EFR3B: variants seen among roughly 807,000 people sequenced by gnomAD.
EFR3B encodes the protein protein EFR3 homolog B.
A neutral mutation model predicts 104.7 loss-of-function variants in EFR3B; 64 were observed. The ratio of observed to expected loss-of-function variants is 0.61; its 90% CI spans 0.50 to 0.75. The LOEUF (loss-of-function observed/expected upper bound fraction) is 0.75, where lower values mean the gene tolerates loss of function less well. Ranked by LOEUF, EFR3B falls within the 30% of genes least tolerant of loss-of-function variation. The pLI is 0.00. For synonymous variants in EFR3B, 385 were observed against 417.9 expected (o/e 0.92, Z 0.96); for missense variants, 750 against 1,078.5 (o/e 0.70, Z 4.27).
chr2:25,117,468 A>C (rs1490007375), intron 4 of EFR3B, among the ~76,000 whole-genome samples: 5 of 145,222 alleles, frequency 3.4e-5, no homozygotes, highest in Non-Finnish European at 7.4e-5. Flanking sequence ...GCTGGAGTGC[A>C]ATGGTGCAAT....
intron 12 of EFR3B, among the ~76,000 whole-genome samples, chr2:25,134,517 A>G (rs1055753362): frequency 9.9e-5 from 15 of 152,126 alleles, no homozygotes; most frequent in African/African-American, 3.4e-4. Context: ...CTCAGACTGA[A>G]GTTGGGAGGT....
chr2:25,049,952 T>TAAA (rs59279308), intron 1 of EFR3B, among the ~76,000 whole-genome samples: 3 of 104,850 alleles, frequency 2.9e-5, no homozygotes, highest in Non-Finnish European at 3.9e-5. Flanking sequence ...ACATTTCTAC[T>TAAA]AAAAAAAAAA....
intron 1 of EFR3B, among the ~76,000 whole-genome samples, chr2:25,087,279 G>T: frequency 6.6e-6 from 1 of 151,940 alleles, no homozygotes; most frequent in East Asian, 1.9e-4. Flanking sequence ...TTCAAGATGA[G>T]ATTTGGGTAG....
chr2:25,103,111 G>T (rs1483790481), intron 3 of EFR3B, among the ~76,000 whole-genome samples: 2 of 152,106 alleles, frequency 1.3e-5, no homozygotes, highest in Admixed American at 6.6e-5. Flanking sequence ...GGGCCATCAT[G>T]CATGATTTTC....
chr2:25,108,221 G>A (rs1241784276), intron 4 of EFR3B, among the ~76,000 whole-genome samples: 2 of 152,166 alleles, frequency 1.3e-5, no homozygotes, highest in African/African-American at 4.8e-5. Flanking sequence ...GAGAAGGTGG[G>A]GGAGTCAGGG....
At chr2:25,083,303 T>TA (rs1393993972) in intron 1 of EFR3B, among the ~76,000 whole-genome samples, 1 of 152,164 alleles carries the variant, frequency 6.6e-6, no homozygotes, top group Non-Finnish European at 1.5e-5. Context: ...GTTTTAGAAA[T>TA]AAAATGGCTC....
At chr2:25,045,253 C>T (rs78512751) in intron 1 of EFR3B, among the ~76,000 whole-genome samples, 3,040 of 152,214 alleles carry the variant, frequency 0.02, 94 homozygotes, top group African/African-American at 0.069. Context: ...AGCCACTTCC[C>T]TTTCTCAGAC....
chr2:25,133,506 G>T (rs1290505369), intron 12 of EFR3B, 72 bp downstream of exon 12: 1 of 1,457,526 alleles, frequency 6.9e-7, no homozygotes, highest in Non-Finnish European at 9.4e-7. Context: ...CCAAGTGAAG[G>T]CCTCCACATA....
In EFR3B at chr2:25,154,344, C is replaced by T; in HGVS notation, c.*4C>T. ...TCCCGATCTGTGTGTATACTGAATTCCAAGAGCCTGAGCTCCTCAAGGAGA... is the reference window on the plus strand; with the variant it reads ...TCCCGATCTGTGTGTATACTGAATTTCAAGAGCCTGAGCTCCTCAAGGAGA... On this transcript the variant is annotated 3_prime_UTR_variant, in exon 23 of 23. Transcript: ENST00000403714. The surrounding 1 kb of genome is among the most constrained non-coding windows in gnomAD (Gnocchi z 4.1). 6.4e-7 allele frequency: 1 copy of T among 1,551,800 alleles called. No homozygotes were observed. Among genetic ancestry groups the T allele is most frequent in the African/African-American group, 1.4e-5 (1 of 73,186 alleles).
intron 16 of EFR3B, 100 bp from the exon 17 acceptor site, chr2:25,141,266 G>T: frequency 1.6e-6 from 2 of 1,261,902 alleles, no homozygotes; most frequent in South Asian, 1.4e-5. Flanking sequence ...GAGGCTGTGG[G>T]AGGGAGGAAG....
intron 4 of EFR3B, among the ~76,000 whole-genome samples, chr2:25,116,282 C>T (rs1319438156): frequency 6.6e-6 from 1 of 152,178 alleles, no homozygotes; most frequent in Non-Finnish European, 1.5e-5. Flanking sequence ...TTTTCTGAAT[C>T]TTCTCTACTT....
At chr2:25,049,510 A>G (rs532600411) in intron 1 of EFR3B, among the ~76,000 whole-genome samples, 1 of 152,368 alleles carries the variant, frequency 6.6e-6, no homozygotes, top group African/African-American at 2.4e-5. Context: ...AAACATGCAA[A>G]CAATTAAATG....
intron 1 of EFR3B, among the ~76,000 whole-genome samples, chr2:25,068,718 C>G (rs1329055881): frequency 2.0e-5 from 3 of 151,500 alleles, no homozygotes. Flanking sequence ...CAAGCTCCAC[C>G]TCCCGGGTTC....
chr2:25,081,644 G>A, intron 1 of EFR3B: 3 of 639,440 alleles, frequency 4.7e-6, no homozygotes, highest in South Asian at 4.0e-5. Flanking sequence ...TGGCCCCGAA[G>A]GGTAGCTGCG....
chr2:25,079,189 G>A (rs1208337169), intron 1 of EFR3B, among the ~76,000 whole-genome samples: 1 of 152,188 alleles, frequency 6.6e-6, no homozygotes. Context: ...TGACCATGAA[G>A]CAAACTAAAT....
chr2:25,124,452 C>T (rs143149287), intron 5 of EFR3B, among the ~76,000 whole-genome samples: 17 of 151,936 alleles, frequency 1.1e-4, no homozygotes, highest in Admixed American at 3.9e-4. Flanking sequence ...TAGGGCCGGG[C>T]GCAGTGGCTC....
chr2:25,103,632 C>T lies in EFR3B; in HGVS notation c.213-5C>T. 1 of 1,548,588 alleles carries T rather than the reference C, an allele frequency of 6.5e-7. No homozygotes were observed. The highest frequency in any genetic ancestry group is 8.7e-7 in the Non-Finnish European group (1 of 1,144,738). On this transcript the variant is annotated splice_polypyrimidine_tract_variant and splice_region_variant and intron_variant, in intron 3 of 22. Coordinates refer to ENST00000403714, the MANE Select transcript of EFR3B (RefSeq NM_014971.2). ...GCCAGTGACGGCATGTGCTGCCCTC[C>T]CCAGGTACGTGTGCATTGCTATGGA...
intron 4 of EFR3B, among the ~76,000 whole-genome samples, chr2:25,116,983 A>G (rs569354579): frequency 6.6e-6 from 1 of 152,308 alleles, no homozygotes; most frequent in South Asian, 2.1e-4. Flanking sequence ...AGCAGGGATA[A>G]TGAGGACAGA....
rs565228477 is a variant in EFR3B at position 25,099,230 on chromosome 2, A to C, written c.213-4407A>C. Among the ~76,000 whole-genome samples the C allele has an allele frequency of 3.9e-5, 6 of 152,230 alleles. No homozygotes were observed. The South Asian group carries it at 1.2e-3, about 32-fold the overall frequency. ...ATTCAGTCTCTACACAGTGGACCTG[A>C]AACATGCTGGGACTGGGTCTGCAAG... On this transcript the variant is annotated intron_variant, in intron 3 of 22. Coordinates refer to ENST00000403714, the MANE Select transcript of EFR3B (RefSeq NM_014971.2).
Sources: gnomAD v4.1 joint callset for allele counts (sites outside exome capture counted in the v4.1 genomes callset) on GRCh38, gnomAD v4.1.1 for gene constraint, Gnocchi (gnomAD v3.1) non-coding constraint, MANE v1.5 for transcripts, NCBI Gene and HGNC (gene_info 2026-07-23, HGNC 2026-07-21) for gene names.